Variants in ATRNL1 observed in about 807,000 individuals in gnomAD.
ATRNL1 encodes the protein attractin-like protein 1.
Under a neutral mutation model 182.7 loss-of-function variants are expected in ATRNL1, and 95 were observed. The observed-to-expected ratio is 0.52, with a 90% CI of 0.44 to 0.62. ATRNL1 has a LOEUF of 0.62. ATRNL1 is among the 20% of genes least tolerant of loss of function. The pLI is 0.00. For synonymous variants in ATRNL1, 576 were observed against 568.3 expected (o/e 1.01, Z -0.19); for missense variants, 1,471 against 1,679.5 (o/e 0.88, Z 2.17).
chr10:115,202,707 T>G (rs1247449731), intron 8 of ATRNL1, among the ~76,000 whole-genome samples: 1 of 145,050 alleles, frequency 6.9e-6, no homozygotes, highest in African/African-American at 2.6e-5. Flanking sequence ...TTTGGTTGTG[T>G]CTCTGCCCGG....
At chr10:115,428,767 C>T (rs1846018714) in intron 21 of ATRNL1, among the ~76,000 whole-genome samples, 1 of 151,824 alleles carries the variant, frequency 6.6e-6, no homozygotes. Flanking sequence ...GGATTTTTTT[C>T]TAGGTTTTGT....
At chr10:115,603,702 A>G (rs1476286077) in intron 26 of ATRNL1, among the ~76,000 whole-genome samples, 1 of 152,178 alleles carries the variant, frequency 6.6e-6, no homozygotes, top group African/African-American at 2.4e-5. Flanking sequence ...AAATTTTGAG[A>G]TGAAAAAGTT....
intron 26 of ATRNL1, among the ~76,000 whole-genome samples, chr10:115,558,375 C>T (rs2133829699): frequency 6.6e-6 from 1 of 152,152 alleles, no homozygotes; most frequent in Admixed American, 6.5e-5. Flanking sequence ...TATTGGCTAC[C>T]CCTTATCTGG....
chr10:115,614,039 T>A (rs1555019931), intron 26 of ATRNL1, among the ~76,000 whole-genome samples: 1 of 151,980 alleles, frequency 6.6e-6, no homozygotes, highest in Non-Finnish European at 1.5e-5. Flanking sequence ...TCTGCTCTGA[T>A]CTTTGTTATT....
rs187256670 is a variant in ATRNL1, at chr10:115,185,843, T to C, written c.1348+14551T>C. 2.1e-3 allele frequency among the ~76,000 whole-genome samples: 313 copies of C among 152,132 alleles called. 1 individual carries two copies. Among genetic ancestry groups the C allele is most frequent in the African/African-American group, 7.2e-3 (301 of 41,540 alleles). On this transcript the variant is annotated intron_variant, in intron 8 of 28. Coordinates refer to ENST00000355044, the MANE Select transcript of ATRNL1 (RefSeq NM_207303.4). ...AATTAACATCACAAACTAAGGGGAATTGGACACTGTGTGCCTTTGTATATA... is the reference window on the plus strand; with the variant it reads ...AATTAACATCACAAACTAAGGGGAACTGGACACTGTGTGCCTTTGTATATA...
At chr10:115,435,425 C>T (rs1473123916) in intron 21 of ATRNL1, among the ~76,000 whole-genome samples, 1 of 152,104 alleles carries the variant, frequency 6.6e-6, no homozygotes, top group African/African-American at 2.4e-5. Context: ...GATGACACAG[C>T]AAGAAGGCCC....
At chr10:115,265,366 T>G (rs1851566792) in intron 11 of ATRNL1, 89 bp downstream of exon 11, 1 of 796,472 alleles carries the variant, frequency 1.3e-6, no homozygotes. Context: ...AAAATTATCA[T>G]TGGTACTTAA....
intron 26 of ATRNL1, among the ~76,000 whole-genome samples, chr10:115,685,174 G>A (rs576914237): frequency 1.3e-5 from 2 of 151,756 alleles, no homozygotes; most frequent in South Asian, 4.2e-4. Context: ...TGATTCAGAT[G>A]TCTTCCACAA....
At chr10:115,365,293 C>G (rs1461215414) in intron 19 of ATRNL1, among the ~76,000 whole-genome samples, 2 of 151,890 alleles carry the variant, frequency 1.3e-5, no homozygotes, top group African/African-American at 2.4e-5. Context: ...TCTAGATTTT[C>G]TAGTTTATTT....
intron 5 of ATRNL1, among the ~76,000 whole-genome samples, chr10:115,143,714 AAGAGAGAGCCAG>A (rs1845845941): frequency 6.6e-6 from 1 of 152,048 alleles, no homozygotes; most frequent in Non-Finnish European, 1.5e-5. Flanking sequence ...GAGCGAGAGC[AAGAGAGAGCCAG>A]AGAGAGAGAG....
At chr10:115,383,643 G>A (rs961897913) in intron 19 of ATRNL1, among the ~76,000 whole-genome samples, 16 of 151,768 alleles carry the variant, frequency 1.1e-4, no homozygotes, top group African/African-American at 3.9e-4. Flanking sequence ...ATTCAGCATC[G>A]AATATATCAT....
intron 27 of ATRNL1, among the ~76,000 whole-genome samples, chr10:115,819,492 C>T (rs1555089574): frequency 6.6e-6 from 1 of 151,990 alleles, no homozygotes; most frequent in Non-Finnish European, 1.5e-5. Flanking sequence ...ACTCTTCTTC[C>T]TCACCGCTAG....
At chr10:115,560,092 G>C (rs1249274398) in intron 26 of ATRNL1, among the ~76,000 whole-genome samples, 1 of 152,112 alleles carries the variant, frequency 6.6e-6, no homozygotes, top group Non-Finnish European at 1.5e-5. Context: ...CATTAGCAAT[G>C]AAAAACCTGA....
intron 27 of ATRNL1, among the ~76,000 whole-genome samples, chr10:115,772,597 C>CTGTGTGTGTGTG (rs57939999): frequency 0.063 from 8,780 of 140,210 alleles, 288 homozygotes; most frequent in Non-Finnish European, 0.076. Flanking sequence ...TATACTCTGT[C>CTGTGTGTGTGTG]TGTGTGTGTG....
At chr10:115,256,800 T>C (rs1258030702) in intron 10 of ATRNL1, among the ~76,000 whole-genome samples, 1 of 152,216 alleles carries the variant, frequency 6.6e-6, no homozygotes, top group Admixed American at 6.5e-5. Context: ...CTCTACACAC[T>C]GCTTTGAATG....
At chr10:115,787,844 T>A (rs1278259297) in intron 27 of ATRNL1, among the ~76,000 whole-genome samples, 1 of 152,160 alleles carries the variant, frequency 6.6e-6, no homozygotes, top group Non-Finnish European at 1.5e-5. Flanking sequence ...AGACCCTCAA[T>A]GCAATCACCA....
chr10:115,491,000 G>A (rs1040034115), intron 24 of ATRNL1, among the ~76,000 whole-genome samples: 1 of 152,070 alleles, frequency 6.6e-6, no homozygotes, highest in Non-Finnish European at 1.5e-5. Flanking sequence ...TCTGCTGCAG[G>A]TCTCCTGGAA....
intron 19 of ATRNL1, among the ~76,000 whole-genome samples, chr10:115,356,567 A>G (rs1488207545): frequency 3.3e-5 from 5 of 152,012 alleles, no homozygotes; most frequent in Admixed American, 3.3e-4. Context: ...ATTATGGGTT[A>G]CTGGAATATG....
rs374923420 is a variant in ATRNL1 at position 115,728,243 on chromosome 10, C to T, written c.3903+888C>T. ...CCGGGAGGCGGAGCTTGCAGTGAGCCGAGATCCTGCCACTGCACTCCAGCC... is the reference window on the plus strand; with the variant it reads ...CCGGGAGGCGGAGCTTGCAGTGAGCTGAGATCCTGCCACTGCACTCCAGCC... On this transcript the variant is annotated intron_variant, in intron 27 of 28. Transcript: ENST00000355044. 5.0e-5 allele frequency among the ~76,000 whole-genome samples: 7 copies of T among 139,042 alleles called. No individual in the cohort carries two copies. In the South Asian group the frequency reaches 1.4e-3, roughly 27 times the overall value. 91.2% of individuals were successfully genotyped at this position (139,042 alleles called of 152,430 possible).
Sources: allele counts gnomAD v4.1 joint callset (sites outside exome capture counted in the v4.1 genomes callset), GRCh38; gene constraint gnomAD v4.1.1; transcripts MANE v1.5; gene names NCBI Gene and HGNC (gene_info 2026-07-23, HGNC 2026-07-21).